Variants in DACH2 observed in about 807,000 individuals in gnomAD.
DACH2 encodes dachshund homolog 2.
A neutral mutation model predicts 35.8 loss-of-function variants in DACH2; 17 were observed. The observed-to-expected ratio is 0.48, with a 90% CI of 0.33 to 0.71. DACH2 has a LOEUF of 0.71. Ranked by LOEUF, DACH2 falls within the 30% of genes least tolerant of loss-of-function variation. The pLI, the probability that DACH2 is intolerant of heterozygous loss-of-function variation, is 0.02. For synonymous variants in DACH2, 195 were observed against 177.3 expected (o/e 1.10, Z -0.79); for missense variants, 469 against 472.7 (o/e 0.99, Z 0.07).
chrX:86,647,501 G>T (rs2040429243), intron 3 of DACH2, among the ~76,000 whole-genome samples: 1 of 110,583 alleles, frequency 9.0e-6, no homozygotes, highest in South Asian at 3.8e-4. Context: ...ATATTAGAAT[G>T]GTGGTTGTCG....
At chrX:86,640,500 A>G (rs1180754013) in intron 3 of DACH2, among the ~76,000 whole-genome samples, 1 of 111,105 alleles carries the variant, frequency 9.0e-6, no homozygotes, top group Non-Finnish European at 1.9e-5. Context: ...GATTGCTTAC[A>G]CCTGCATCTC....
intron 1 of DACH2, among the ~76,000 whole-genome samples, chrX:86,186,957 A>G (rs749752390): frequency 2.2e-4 from 25 of 111,887 alleles, no homozygotes; most frequent in African/African-American, 7.8e-4. Flanking sequence ...TAAATGTCTT[A>G]TTAAAGTCAA....
At chrX:86,613,125 C>T (rs764349510) in intron 3 of DACH2, among the ~76,000 whole-genome samples, 1 of 111,940 alleles carries the variant, frequency 8.9e-6, no homozygotes, top group South Asian at 3.7e-4. Context: ...TTCTGCTTTG[C>T]AAGTTCTTTA....
chrX:86,731,122 T>A (rs12841802), intron 6 of DACH2, among the ~76,000 whole-genome samples: 34,781 of 110,599 alleles, frequency 0.31, 4,268 homozygotes, highest in Middle Eastern at 0.43. Flanking sequence ...ATTTCTATAA[T>A]GGACTTATAT....
chrX:86,430,017 C>A (rs1344271657), intron 2 of DACH2, among the ~76,000 whole-genome samples: 1 of 112,466 alleles, frequency 8.9e-6, no homozygotes, highest in Non-Finnish European at 1.9e-5. Context: ...TTCACACAGA[C>A]TTTTATGGAA....
intron 3 of DACH2, among the ~76,000 whole-genome samples, chrX:86,643,988 A>T (rs2148400900): frequency 8.9e-6 from 1 of 111,791 alleles, no homozygotes; most frequent in African/African-American, 3.2e-5. Context: ...ACCTTCTATG[A>T]CAAACCCACA....
chrX:86,596,608 G>A (rs747632561), intron 3 of DACH2, among the ~76,000 whole-genome samples: 12 of 110,220 alleles, frequency 1.1e-4, no homozygotes, highest in Non-Finnish European at 1.7e-4. Flanking sequence ...GGTTCTCCAC[G>A]GTTTTTGGAT....
chrX:86,534,729 T>C (rs1216657246), intron 3 of DACH2, among the ~76,000 whole-genome samples: 1 of 111,675 alleles, frequency 9.0e-6, no homozygotes, highest in Non-Finnish European at 1.9e-5. Flanking sequence ...TTTATGGATT[T>C]CATGGTTGTA....
chrX:86,204,522 A>G (rs757906823), intron 1 of DACH2, among the ~76,000 whole-genome samples: 74 of 111,284 alleles, frequency 6.6e-4, no homozygotes, highest in Non-Finnish European at 1.2e-3. Context: ...AAATAGAACT[A>G]TTACTCTAGG....
At chrX:86,454,965 A>AT (rs1050159420) in intron 2 of DACH2, among the ~76,000 whole-genome samples, 3 of 110,949 alleles carry the variant, frequency 2.7e-5, no homozygotes, top group Non-Finnish European at 5.7e-5. Flanking sequence ...TTATGGGGAC[A>AT]TTTTTGTTGT....
At chrX:86,722,858 C>A (rs2041422520) in intron 6 of DACH2, among the ~76,000 whole-genome samples, 1 of 111,205 alleles carries the variant, frequency 9.0e-6, no homozygotes, top group Non-Finnish European at 1.9e-5. Flanking sequence ...GGCCTCATAG[C>A]ATTATTTAGG....
chrX:86,462,346 A>T (rs1483173745), intron 2 of DACH2, among the ~76,000 whole-genome samples: 2 of 111,756 alleles, frequency 1.8e-5, no homozygotes, highest in Non-Finnish European at 3.8e-5. Context: ...TGTACAAAGC[A>T]GAATGCATAC....
At chrX:86,694,757 A>G (rs938527472) in intron 4 of DACH2, among the ~76,000 whole-genome samples, 2 of 111,736 alleles carry the variant, frequency 1.8e-5, no homozygotes, top group Non-Finnish European at 1.9e-5. Context: ...TCTAAAAGCT[A>G]TTCATTATGA....
In DACH2 at chrX:86,719,943, C is replaced by CT. The variant is rs35089560; in HGVS notation, c.1104+5237dup. 6.9e-3 allele frequency among the ~76,000 whole-genome samples: 440 copies of CT among 63,521 alleles called. 8 individuals are homozygous for CT. Among genetic ancestry groups the CT allele is most frequent in the African/African-American group, 0.022 (359 of 16,127 alleles). The allele number at this position is 63,521 out of a possible 115,157, so 55.2% of individuals were successfully genotyped here. On this transcript the variant is annotated intron_variant, in intron 6 of 11. Coordinates refer to ENST00000373125, the MANE Select transcript of DACH2 (RefSeq NM_053281.3). ...TTTTTTTCTTTTTTCTTTTTTTTTTCTTTTTTTTTTTTTTAGATGGAGTCT... is the reference window on the plus strand; with the variant it reads ...TTTTTTTCTTTTTTCTTTTTTTTTTCTTTTTTTTTTTTTTTAGATGGAGTCT...
In DACH2 at chrX:86,283,021, G is replaced by A. The variant is rs112377271; in HGVS notation, c.489-93803G>A. 2.9e-4 allele frequency among the ~76,000 whole-genome samples: 11 copies of A among 38,003 alleles called. 2 individuals are homozygous for A. The highest frequency in any genetic ancestry group is 4.0e-4 in the Non-Finnish European group (10 of 24,957). 33.0% of individuals were successfully genotyped at this position (38,003 alleles called of 115,157 possible). On this transcript the variant is annotated intron_variant, in intron 1 of 11. Transcript: ENST00000373125. ...TCTCGATCTCCTGACCTCGTGATCCGCCCGCCTCGGCCTCCCAAAGTGCTG... is the reference window on the plus strand; with the variant it reads ...TCTCGATCTCCTGACCTCGTGATCCACCCGCCTCGGCCTCCCAAAGTGCTG...
chrX:86,174,862 G>T (rs752253544), intron 1 of DACH2, among the ~76,000 whole-genome samples: 4 of 110,450 alleles, frequency 3.6e-5, no homozygotes, highest in African/African-American at 6.6e-5. Context: ...TAATTTTTTT[G>T]TGTAGAGAAA....
chrX:86,568,942 T>C (rs190562436), intron 3 of DACH2, among the ~76,000 whole-genome samples: 209 of 111,755 alleles, frequency 1.9e-3, no homozygotes, highest in Non-Finnish European at 2.8e-3. Context: ...GGTATTTTCT[T>C]CTTCTGTGGT....
At chrX:86,293,373 A>G (rs189145349) in intron 1 of DACH2, among the ~76,000 whole-genome samples, 8 of 107,975 alleles carry the variant, frequency 7.4e-5, no homozygotes, top group South Asian at 4.2e-4. Flanking sequence ...GGTCTTGACT[A>G]TCCAATTTGC....
Position 86,299,171 on chromosome X carries a change from A to G in DACH2, c.489-77653A>G, listed in dbSNP as rs150523184. On this transcript the variant is annotated intron_variant, in intron 1 of 11. Coordinates refer to ENST00000373125, the MANE Select transcript of DACH2 (RefSeq NM_053281.3). ...AGTTGCTTCAAGCTTTACTTTTATA[A>G]GGTACACAAATGTTATTTGTGAATA... 3.3e-3 allele frequency among the ~76,000 whole-genome samples: 367 copies of G among 112,605 alleles called. 3 individuals carry two copies. The highest frequency in any genetic ancestry group is 0.011 in the African/African-American group (357 of 31,105).
Sources: allele counts gnomAD v4.1 joint callset (sites outside exome capture counted in the v4.1 genomes callset), GRCh38; gene constraint gnomAD v4.1.1; transcripts MANE v1.5; gene names NCBI Gene and HGNC (gene_info 2026-07-23, HGNC 2026-07-21).